Variants in CDH18 observed in about 807,000 individuals in gnomAD.
CDH18 encodes the protein cadherin 18, also known as cadherin-18.
In CDH18, 31 loss-of-function variants were observed where a neutral mutation model predicts 67.9. The ratio of observed to expected loss-of-function variants is 0.46; its 90% CI spans 0.34 to 0.62. The LOEUF is 0.62. Among genes scored for constraint, CDH18 ranks in the 20% least tolerant of loss-of-function variants. CDH18 has a pLI of 0.01. For synonymous variants in CDH18, 362 were observed against 347.2 expected (o/e 1.04, Z -0.48); for missense variants, 890 against 975.5 (o/e 0.91, Z 1.17).
chr5:20,403,863 T>C (rs1746000408), intron 1 of CDH18, among the ~76,000 whole-genome samples: 1 of 152,146 alleles, frequency 6.6e-6, no homozygotes, highest in Non-Finnish European at 1.5e-5. Flanking sequence ...TACTTCTCTC[T>C]ACATGAAAGT....
At chr5:19,636,295 G>A (rs958648034) in intron 5 of CDH18, among the ~76,000 whole-genome samples, 6 of 151,790 alleles carry the variant, frequency 4.0e-5, no homozygotes, top group African/African-American at 1.2e-4. Flanking sequence ...TATATGCAAA[G>A]TGGTATGGCT....
intron 1 of CDH18, among the ~76,000 whole-genome samples, chr5:19,986,499 T>G (rs556488393): frequency 4.6e-5 from 7 of 152,354 alleles, no homozygotes; most frequent in East Asian, 1.9e-4. Flanking sequence ...TTTTTGTTTG[T>G]TTGGTTGGTT....
At chr5:19,809,406 A>G (rs373639248) in intron 3 of CDH18, among the ~76,000 whole-genome samples, 1 of 152,172 alleles carries the variant, frequency 6.6e-6, no homozygotes. Flanking sequence ...TGTCTGAAGA[A>G]AGCCAAAACA....
chr5:19,840,233 C>T lies in CDH18; in HGVS notation c.-256-991G>A, dbSNP rs1405629797. ...CAGTAAGCCTAGATCTGAGATCGCA[C>T]CACTGCACTCCAGCCTGGGAGACAG... On this transcript the variant is annotated intron_variant, in intron 2 of 12. Transcript: ENST00000382275. Among the ~76,000 whole-genome samples, 28 of 146,964 alleles carry T rather than the reference C, an allele frequency of 1.9e-4. 1 individual carries two copies. The Admixed American group carries it at 1.9e-3, about 10-fold the overall frequency.
At chr5:20,382,946 A>T (rs1400552096) in intron 1 of CDH18, among the ~76,000 whole-genome samples, 2 of 152,008 alleles carry the variant, frequency 1.3e-5, no homozygotes, top group Non-Finnish European at 2.9e-5. Flanking sequence ...GCAACAATTA[A>T]TTTTTCATCC....
intron 2 of CDH18, among the ~76,000 whole-genome samples, chr5:19,948,395 G>A (rs940186921): frequency 6.6e-6 from 1 of 152,042 alleles, no homozygotes; most frequent in African/African-American, 2.4e-5. Flanking sequence ...TCTATGTGAT[G>A]GAATACTACT....
chr5:20,429,165 C>T (rs955702910), intron 1 of CDH18, among the ~76,000 whole-genome samples: 1 of 151,852 alleles, frequency 6.6e-6, no homozygotes, highest in Non-Finnish European at 1.5e-5. Flanking sequence ...TCCCAGTTTC[C>T]ATTCAAAATT....
intron 1 of CDH18, among the ~76,000 whole-genome samples, chr5:20,466,125 G>T (rs1030475728): frequency 1.3e-5 from 2 of 152,084 alleles, no homozygotes; most frequent in African/African-American, 4.8e-5. Context: ...TGTATTGATT[G>T]TTCTGAAGGG....
At chr5:20,267,614 C>A (rs996771436) in intron 1 of CDH18, among the ~76,000 whole-genome samples, 1 of 152,080 alleles carries the variant, frequency 6.6e-6, no homozygotes, top group African/African-American at 2.4e-5. Flanking sequence ...AGGTCTTTTA[C>A]TGCCTTGGTT....
At position 19,494,761 on chromosome 5, in the gene CDH18, T is replaced by C. The variant is rs143211652; in HGVS notation, c.1630+8231A>G. On this transcript the variant is annotated intron_variant, in intron 11 of 12. Coordinates refer to ENST00000382275, the MANE Select transcript of CDH18 (RefSeq NM_004934.5). ...ACATAGTAAGGGATCGTAGGTAGAA[T>C]TGAGTCAGCATCTAAATATCTTCCT... Among the ~76,000 whole-genome samples the C allele has an allele frequency of 2.7e-3, 406 of 152,300 alleles. 1 individual carries two copies. Among genetic ancestry groups the C allele is most frequent in the African/African-American group, 9.3e-3 (388 of 41,562 alleles).
intron 1 of CDH18, among the ~76,000 whole-genome samples, chr5:20,509,998 T>C (rs1382443716): frequency 1.3e-5 from 2 of 152,188 alleles, no homozygotes; most frequent in Non-Finnish European, 2.9e-5. Flanking sequence ...CAAGTTTTCA[T>C]CATTCCCACT....
intron 2 of CDH18, among the ~76,000 whole-genome samples, chr5:19,958,243 C>T: frequency 6.6e-6 from 1 of 151,448 alleles, no homozygotes; most frequent in East Asian, 1.9e-4. Flanking sequence ...CACTCTCAAC[C>T]ATTGATCTAA....
chr5:20,382,340 T>C (rs1743976080), intron 1 of CDH18, among the ~76,000 whole-genome samples: 2 of 152,172 alleles, frequency 1.3e-5, no homozygotes, highest in African/African-American at 2.4e-5. Context: ...AACATACCTA[T>C]ATAGGGGAGA....
chr5:19,960,792 T>C (rs1360571769), intron 2 of CDH18, among the ~76,000 whole-genome samples: 1 of 145,148 alleles, frequency 6.9e-6, no homozygotes, highest in Non-Finnish European at 1.5e-5. Flanking sequence ...TATATATGTG[T>C]ATATATGTAT....
At chr5:19,625,837 T>C (rs1265544455) in intron 5 of CDH18, among the ~76,000 whole-genome samples, 8 of 152,122 alleles carry the variant, frequency 5.3e-5, no homozygotes, top group Non-Finnish European at 1.2e-4. Context: ...CTCCTTTTCC[T>C]GGGTGGAACT....
At chr5:20,230,252 G>T (rs1340720652) in intron 2 of CDH18, among the ~76,000 whole-genome samples, 1 of 152,044 alleles carries the variant, frequency 6.6e-6, no homozygotes, top group Non-Finnish European at 1.5e-5. Flanking sequence ...AGGAATCAGG[G>T]AATCACATAT....
rs573830776 is a variant in CDH18 at position 20,570,478 on chromosome 5, T to A, written c.-580+4984A>T. On this transcript the variant is annotated intron_variant, in intron 1 of 14. Transcript: ENST00000507958. ...TCTCTCATTTTATTTCTGCCAAGGA[T>A]GGGTGAGAATGGATAACTTTTAACC... is the stretch of plus-strand genomic sequence containing the variant. Among the ~76,000 whole-genome samples, 6 of 152,302 alleles carry A rather than the reference T, an allele frequency of 3.9e-5. No homozygotes were observed. In the East Asian group the frequency reaches 1.2e-3, roughly 29 times the overall value.
intron 1 of CDH18, among the ~76,000 whole-genome samples, chr5:20,413,243 A>G (rs958929521): frequency 1.3e-5 from 2 of 152,154 alleles, no homozygotes; most frequent in Admixed American, 6.6e-5. Flanking sequence ...CCAAGTCTTC[A>G]CTATTGTGAA....
chr5:20,153,042 A>G (rs1447703010), intron 2 of CDH18, among the ~76,000 whole-genome samples: 5 of 149,514 alleles, frequency 3.3e-5, no homozygotes, highest in Non-Finnish European at 5.9e-5. Flanking sequence ...TCCCAGGTTC[A>G]AGCAATTCTG....
Sources: allele counts gnomAD v4.1 joint callset (sites outside exome capture counted in the v4.1 genomes callset), GRCh38; gene constraint gnomAD v4.1.1; transcripts MANE v1.5; gene names NCBI Gene and HGNC (gene_info 2026-07-23, HGNC 2026-07-21).